The following NECAB1 variants were observed in gnomAD, a reference collection of about 807,000 sequenced individuals.
The protein encoded by NECAB1 is N-terminal EF-hand calcium-binding protein 1.
A neutral mutation model predicts 57.5 loss-of-function variants in NECAB1; 29 were observed. The observed-to-expected ratio is 0.50, with a 90% CI of 0.38 to 0.69. The LOEUF (loss-of-function observed/expected upper bound fraction) is 0.69, where lower values mean the gene tolerates loss of function less well. NECAB1 is among the 30% of genes least tolerant of loss of function. The pLI is 0.00. For missense variants in NECAB1, 372 were observed against 413.8 expected (o/e 0.90, Z 0.88); for synonymous variants, 142 against 147.7 (o/e 0.96, Z 0.28).
At chr8:90,942,999 C>T (rs1810712953) in intron 10 of NECAB1, among the ~76,000 whole-genome samples, 1 of 152,144 alleles carries the variant, frequency 6.6e-6, no homozygotes, top group African/African-American at 2.4e-5. Context: ...AAGTCTATTT[C>T]AGTGTATTAC....
chr8:90,863,298 C>T (rs887745235), intron 3 of NECAB1, among the ~76,000 whole-genome samples: 2 of 152,046 alleles, frequency 1.3e-5, no homozygotes, highest in African/African-American at 4.8e-5. Context: ...GTAGAAAGAT[C>T]AAGCATGCAT....
chr8:90,857,929 A>G (rs1048955635), intron 3 of NECAB1, among the ~76,000 whole-genome samples: 1 of 152,180 alleles, frequency 6.6e-6, no homozygotes, highest in Non-Finnish European at 1.5e-5. Context: ...TTGAAATTTA[A>G]CAATTACATT....
In NECAB1 at chr8:90,952,764, C is replaced by T. The variant is rs889220357; in HGVS notation, c.1030+1560C>T. 1.1e-4 allele frequency among the ~76,000 whole-genome samples: 16 copies of T among 146,786 alleles called. No individual in the cohort carries two copies. In the East Asian group the frequency reaches 2.6e-3, roughly 24 times the overall value. ...CTGCACTCCAGACTGGGCGACAGAG[C>T]GAGACTCCATGTCAAAAAACAATAA... On this transcript the variant is annotated intron_variant, in intron 12 of 12. Coordinates refer to ENST00000417640, the MANE Select transcript of NECAB1 (RefSeq NM_022351.5).
Position 90,872,117 on chromosome 8 carries a change from CA to C in NECAB1, c.234-10del. Reference sequence around the variant, plus strand: ...GTAATAACACTGTTTTTTTTTGTTTCATCTTTTCAGTAATCTTGACACAGAA... The same window carrying C: ...GTAATAACACTGTTTTTTTTTGTTTCTCTTTTCAGTAATCTTGACACAGAA... On this transcript the variant is annotated splice_polypyrimidine_tract_variant and intron_variant, in intron 3 of 12. Coordinates refer to ENST00000417640, the MANE Select transcript of NECAB1 (RefSeq NM_022351.5). 2 of 1,532,520 alleles carry C rather than the reference CA, an allele frequency of 1.3e-6. No homozygotes were observed. The highest frequency in any genetic ancestry group is 4.8e-5 in the East Asian group (2 of 41,240). 94.9% of individuals were successfully genotyped at this position (1,532,520 alleles called of 1,614,324 possible).
intron 2 of NECAB1, among the ~76,000 whole-genome samples, chr8:90,820,701 C>A: frequency 1.4e-5 from 2 of 146,840 alleles, no homozygotes. Flanking sequence ...TTTTAAGAAG[C>A]ACTAGTTTTA....
chr8:90,851,219 T>C (rs1462917946), intron 3 of NECAB1, among the ~76,000 whole-genome samples: 1 of 152,234 alleles, frequency 6.6e-6, no homozygotes, highest in Non-Finnish European at 1.5e-5. Context: ...CTATTCCATT[T>C]GGCTGTTCCT....
At chr8:90,813,024 T>C (rs1811989681) in intron 2 of NECAB1, 1 of 151,734 alleles carries the variant, frequency 6.6e-6, no homozygotes, top group Non-Finnish European at 1.5e-5. Context: ...CCGTCTCTAC[T>C]AAAAATACAA....
At chr8:90,838,667 G>A (rs1249632541) in intron 3 of NECAB1, among the ~76,000 whole-genome samples, 2 of 152,170 alleles carry the variant, frequency 1.3e-5, no homozygotes, top group Non-Finnish European at 2.9e-5. Context: ...ACATAGACGT[G>A]GAGAGAACAT....
intron 1 of NECAB1, among the ~76,000 whole-genome samples, chr8:90,797,748 A>G (rs1451637369): frequency 6.6e-6 from 1 of 152,188 alleles, no homozygotes; most frequent in Non-Finnish European, 1.5e-5. Context: ...AGGAAAAATA[A>G]TGCAAACTGT....
intron 1 of NECAB1, among the ~76,000 whole-genome samples, chr8:90,801,083 T>C (rs191345430): frequency 9.8e-5 from 15 of 152,354 alleles, no homozygotes; most frequent in Admixed American, 9.8e-4. Context: ...TATTTTTCTT[T>C]TATGTTTTGT....
chr8:90,896,578 C>G (rs1278021014), intron 5 of NECAB1, among the ~76,000 whole-genome samples: 1 of 151,782 alleles, frequency 6.6e-6, no homozygotes, highest in African/African-American at 2.4e-5. Context: ...GCACTCCAGC[C>G]TGGGCGACAG....
intron 5 of NECAB1, 29 bp downstream of exon 5, chr8:90,881,159 T>TA: frequency 7.0e-7 from 1 of 1,434,026 alleles, no homozygotes; most frequent in Non-Finnish European, 9.5e-7. Flanking sequence ...TTATTTTCTA[T>TA]AAAAATCTCT....
chr8:90,917,486 C>G lies in NECAB1; in HGVS notation c.358-6C>G, dbSNP rs2130118798. ...CTTCTAATTGCATTTGTTTTGTCAC[C>G]CTTAGGACTACCAAGAAGCCTCCAA... On this transcript the variant is annotated splice_polypyrimidine_tract_variant and splice_region_variant and intron_variant, in intron 5 of 12. Coordinates refer to ENST00000417640, the MANE Select transcript of NECAB1 (RefSeq NM_022351.5). The G allele has an allele frequency of 6.2e-7, 1 of 1,603,020 alleles. No homozygotes were observed. The highest frequency in any genetic ancestry group is 2.2e-5 in the East Asian group (1 of 44,648).
At chr8:90,870,094 C>T (rs1365125118) in intron 3 of NECAB1, among the ~76,000 whole-genome samples, 2 of 152,100 alleles carry the variant, frequency 1.3e-5, no homozygotes, top group Non-Finnish European at 2.9e-5. Flanking sequence ...CCTCCTGCTC[C>T]CACCATGTAA....
intron 3 of NECAB1, among the ~76,000 whole-genome samples, chr8:90,855,311 C>T (rs1014531840): frequency 1.3e-5 from 2 of 152,108 alleles, no homozygotes; most frequent in African/African-American, 4.8e-5. Context: ...AAGGAATAGC[C>T]TTTCTGGGAT....
intron 3 of NECAB1, among the ~76,000 whole-genome samples, chr8:90,829,832 C>G (rs1026965302): frequency 6.6e-6 from 1 of 151,996 alleles, no homozygotes; most frequent in African/African-American, 2.4e-5. Flanking sequence ...CTACTTGGTT[C>G]TGCTCTGTAG....
chr8:90,850,040 C>G (rs1348981773), intron 3 of NECAB1, among the ~76,000 whole-genome samples: 1 of 152,056 alleles, frequency 6.6e-6, no homozygotes, highest in Non-Finnish European at 1.5e-5. Context: ...AGAGTAGTCA[C>G]CAATTAACTT....
intron 3 of NECAB1, among the ~76,000 whole-genome samples, chr8:90,829,957 T>A (rs1217845399): frequency 2.0e-5 from 3 of 152,074 alleles, no homozygotes; most frequent in African/African-American, 7.2e-5. Flanking sequence ...TTCAAAGGTT[T>A]TGTTTCAGAT....
intron 5 of NECAB1, among the ~76,000 whole-genome samples, chr8:90,881,881 A>G (rs530322740): frequency 1.3e-5 from 2 of 152,336 alleles, no homozygotes; most frequent in South Asian, 4.1e-4. Flanking sequence ...ACTGAGAGAT[A>G]AAGGAAGTTG....
Sources: allele counts gnomAD v4.1 joint callset (sites outside exome capture counted in the v4.1 genomes callset), GRCh38; gene constraint gnomAD v4.1.1; transcripts MANE v1.5; gene names NCBI Gene and HGNC (gene_info 2026-07-23, HGNC 2026-07-21).